Variants in MAN2A2 observed in about 807,000 individuals in gnomAD.
MAN2A2 encodes the protein alpha-mannosidase 2x.
Under a neutral mutation model 126.8 loss-of-function variants are expected in MAN2A2, and 79 were observed. The ratio of observed to expected loss-of-function variants is 0.62; its 90% CI spans 0.52 to 0.75. The LOEUF is 0.75. Ranked by LOEUF, MAN2A2 falls within the 30% of genes least tolerant of loss-of-function variation. The probability of loss-of-function intolerance (pLI) is 0.00; values close to 1 mark genes in which losing one functional copy is unlikely to be tolerated. For synonymous variants in MAN2A2, 671 were observed against 618.7 expected, an observed-to-expected ratio of 1.08 and a Z score of -1.25; for missense variants, 1,392 against 1,522.4, an observed-to-expected ratio of 0.91 and a Z score of 1.43.
intron 20 of MAN2A2, chr15:90,916,718 G>A: frequency 1.6e-6 from 2 of 1,243,378 alleles, no homozygotes; most frequent in African/African-American, 1.5e-5. Flanking sequence ...CTGCGCCAGA[G>A]CCCAGGTGAC....
At chr15:90,916,097 C>T in intron 19 of MAN2A2, 26 bp from the exon 20 acceptor site, 1 of 1,612,198 alleles carries the variant, frequency 6.2e-7, no homozygotes, top group Non-Finnish European at 8.5e-7. Flanking sequence ...TGGGGGCGGG[C>T]CAGCACTCAC....
At chr15:90,919,586 T>TAGTGTC in intron 22 of MAN2A2, 49 bp from the exon 23 acceptor site, 1 of 1,599,128 alleles carries the variant, frequency 6.3e-7, no homozygotes, top group Non-Finnish European at 8.5e-7. Flanking sequence ...CCACATTCTT[T>TAGTGTC]AGTGTCTCGG....
intron 19 of MAN2A2, 30 bp from the exon 20 acceptor site, chr15:90,916,093 C>A: frequency 1.9e-6 from 3 of 1,604,640 alleles, no homozygotes; most frequent in Non-Finnish European, 2.6e-6. Context: ...GGGGTGGGGG[C>A]GGGCCAGCAC....
At position 90,909,435 on chromosome 15, in the gene MAN2A2, G is replaced by C. The variant is rs1333220838; in HGVS notation, c.1305G>C (p.Trp435Cys). 2.5e-6 allele frequency: 4 copies of C among 1,614,084 alleles called. No individual in the cohort carries two copies. The highest frequency in any genetic ancestry group is 4.5e-5 in the East Asian group (2 of 44,870). Residue 435 changes from tryptophan to cysteine, a missense_variant, in exon 9 of 23, where the codon TGG becomes TGC. Coordinates refer to ENST00000559717, the MANE Select transcript of MAN2A2 (RefSeq NM_006122.4). ...TCCGATATGACAAGCCCCAGGAGTG[G>C]GATGCCCAGTTCTTCAACTACCAAC... Reference protein sequence around the residue: ...DDFRYDKPQEWDAQFFNYQRL... With the variant: ...DDFRYDKPQECDAQFFNYQRL...
chr15:90,917,223 G>A (rs2035256349), intron 20 of MAN2A2, among the ~76,000 whole-genome samples: 1 of 152,234 alleles, frequency 6.6e-6, no homozygotes, highest in Admixed American at 6.5e-5. Flanking sequence ...ATTAGACCAT[G>A]TGGTGTCGGA....
intron 19 of MAN2A2, 131 bp from the exon 20 acceptor site, chr15:90,915,992 C>CGAGA (rs2035143956): frequency 9.6e-7 from 1 of 1,037,302 alleles, no homozygotes; most frequent in African/African-American, 1.6e-5. Flanking sequence ...CGTGACCTCT[C>CGAGA]CTGAGTGACT....
In MAN2A2 at chr15:90,912,166, G is replaced by A. The variant is rs762378628; in HGVS notation, c.2233G>A (p.Val745Ile). ...CTACCTGCACGGCCGGCAGCTGTCC[G>A]TCAGCAGGCACGAAGCGTTTCCTCT... ...RIYLHGRQLS[V>I]SRHEAFPLRV... Residue 745 changes from valine to isoleucine, a missense_variant, in exon 15 of 23, where the codon GTC (valine) becomes ATC (isoleucine). Transcript: ENST00000559717. The A allele has an allele frequency of 1.2e-5, 19 of 1,613,906 alleles. No individual in the cohort carries two copies. The African/African-American group carries it at 1.2e-4, about 10-fold the overall frequency.
chr15:90,907,103 G>T, intron 7 of MAN2A2, 190 bp downstream of exon 7: 1 of 862,566 alleles, frequency 1.2e-6, no homozygotes, highest in East Asian at 2.6e-5. Flanking sequence ...AGGGCCTGCT[G>T]TCCCAAGGGC....
In MAN2A2 at chr15:90,913,548, G is replaced by A. The variant is rs1372546805; in HGVS notation, c.2719-66G>A. ...CGAAGAGTTATCGGGGACTCCTTCA[G>A]TCTGGGGACCGCTTGGGCCCACATG... On this transcript the variant is annotated intron_variant, in intron 18 of 22. Transcript: ENST00000559717. The A allele has an allele frequency of 3.2e-6, 5 of 1,572,804 alleles. No homozygotes were observed. In the Admixed American group the frequency reaches 7.4e-5, roughly 23 times the overall value.
At chr15:90,905,223 G>T in intron 2 of MAN2A2, 28 bp from the exon 3 acceptor site, 1 of 1,605,944 alleles carries the variant, frequency 6.2e-7, no homozygotes, top group South Asian at 1.1e-5. Flanking sequence ...AAGGAGCTGT[G>T]TGTGATTGCT....
At chr15:90,912,685 A>G (rs768374485) in intron 16 of MAN2A2, 21 bp downstream of exon 16, 1 of 1,613,746 alleles carries the variant, frequency 6.2e-7, no homozygotes, top group South Asian at 1.1e-5. Flanking sequence ...GATGCCTTGA[A>G]CAACCTGGCA....
rs755100936 is a variant in MAN2A2, at chr15:90,912,894, GC to G, written c.2493del (p.Val832CysfsTer82). 6.2e-7 allele frequency: 1 copy of G among 1,613,748 alleles called. No individual in the cohort carries two copies. Among genetic ancestry groups the G allele is most frequent in the Non-Finnish European group, 8.5e-7 (1 of 1,179,754 alleles). On this transcript the variant is annotated frameshift_variant, in exon 17 of 23. Coordinates refer to ENST00000559717, the MANE Select transcript of MAN2A2 (RefSeq NM_006122.4). LOFTEE classifies it high-confidence loss of function. The part of the protein sequence containing the change: ...GEAKPYVPKE[P>X]PVLRVTEGPF... ...TTCTCTAGCCCTACGTCCCCAAGGAGCCCCCCGTGCTGCGTGTCACTGAAGG... is the reference window on the plus strand; with the variant it reads ...TTCTCTAGCCCTACGTCCCCAAGGAGCCCCCGTGCTGCGTGTCACTGAAGG...
chr15:90,906,568 G>T, intron 6 of MAN2A2, 71 bp downstream of exon 6: 1 of 1,609,358 alleles, frequency 6.2e-7, no homozygotes, highest in South Asian at 1.1e-5. Flanking sequence ...GTAAGGCACA[G>T]GGATCGGCAG....
chr15:90,914,180 A>T (rs2034994790), intron 19 of MAN2A2, among the ~76,000 whole-genome samples: 7 of 152,368 alleles, frequency 4.6e-5, no homozygotes, highest in Admixed American at 1.3e-4. Flanking sequence ...AGATTTAAAA[A>T]TTAGCTGGAT....
chr15:90,902,998 G>A (rs1279111843), upstream of MAN2A2: 2 of 151,832 alleles, frequency 1.3e-5, no homozygotes, highest in Non-Finnish European at 2.9e-5. Context: ...GTGCGCGCGC[G>A]GGAGGGCTCC....
At position 90,918,679 on chromosome 15, in the gene MAN2A2, T is replaced by A; in HGVS notation, c.3224T>A (p.Ile1075Asn). 1 of 1,521,574 alleles carries A rather than the reference T, an allele frequency of 6.6e-7. No individual in the cohort carries two copies. Among genetic ancestry groups the A allele is most frequent in the Non-Finnish European group, 9.1e-7 (1 of 1,096,190 alleles). The allele number at this position is 1,521,574 out of a possible 1,614,324, so 94.3% of individuals were successfully genotyped here. A position where few individuals can be genotyped will look rare whatever the true frequency, so the allele number is the denominator to read the frequency against. ...CTACCCTCGGCGGAGACCGCACTCA[T>A]CTTACACCGCAAGGGTTTTGACTGC... ...DTLPSAETAL[I>N]LHRKGFDCGL... is the part of the protein sequence containing the mutation. The change falls in exon 22 of 23, where the codon ATC becomes AAC. Residue 1075 changes from isoleucine (I) to asparagine (N), a missense_variant. Transcript: ENST00000559717.
At chr15:90,907,091 A>G in intron 7 of MAN2A2, 178 bp downstream of exon 7, 1 of 893,070 alleles carries the variant, frequency 1.1e-6, no homozygotes, top group Non-Finnish European at 1.7e-6. Flanking sequence ...TCTGGCCTCT[A>G]CAGGGCCTGC....
intron 21 of MAN2A2, 127 bp from the exon 22 acceptor site, chr15:90,918,518 C>A: frequency 3.1e-6 from 4 of 1,276,036 alleles, no homozygotes; most frequent in Non-Finnish European, 4.4e-6. Flanking sequence ...ACCTCCAGGA[C>A]CAGGTTTTGG....
intron 19 of MAN2A2, among the ~76,000 whole-genome samples, chr15:90,914,016 C>G (rs1402680184): frequency 1.3e-5 from 2 of 152,156 alleles, no homozygotes; most frequent in African/African-American, 4.8e-5. Context: ...AGGGTTACAA[C>G]TCTTGGGGCC....
Sources: allele counts gnomAD v4.1 joint callset (sites outside exome capture counted in the v4.1 genomes callset), GRCh38; gene constraint gnomAD v4.1.1; transcripts MANE v1.5; gene names NCBI Gene and HGNC (gene_info 2026-07-23, HGNC 2026-07-21).